The following CDH18 variants were observed in gnomAD, a reference collection of about 807,000 sequenced individuals.
CDH18 encodes the protein cadherin-18.
A neutral mutation model predicts 67.9 loss-of-function variants in CDH18; 31 were observed. The ratio of observed to expected loss-of-function variants is 0.46; its 90% CI spans 0.34 to 0.62. CDH18 has a LOEUF of 0.62. Ranked by LOEUF, CDH18 falls within the 20% of genes least tolerant of loss-of-function variation. CDH18 has a pLI of 0.01. For missense variants in CDH18, 890 were observed against 975.5 expected, an observed-to-expected ratio of 0.91 and a Z score of 1.17; for synonymous variants, 362 against 347.2, an observed-to-expected ratio of 1.04 and a Z score of -0.48.
At chr5:20,305,341 C>T (rs577474785) in intron 1 of CDH18, 1 of 1,572,834 alleles carries the variant, frequency 6.4e-7, no homozygotes, top group Non-Finnish European at 8.7e-7. Flanking sequence ...CTTTATGGCT[C>T]TATTCTTCAA....
At chr5:19,696,260 TGC>T (rs1456551723) in intron 5 of CDH18, among the ~76,000 whole-genome samples, 2,241 of 10,008 alleles carry the variant, frequency 0.22, 46 homozygotes, top group South Asian at 0.31. Flanking sequence ...TGTGTGTGTG[TGC>T]GTATTTTTTA....
intron 3 of CDH18, among the ~76,000 whole-genome samples, chr5:19,796,685 A>C (rs1179015574): frequency 2.6e-5 from 4 of 152,108 alleles, no homozygotes; most frequent in African/African-American, 9.7e-5. Flanking sequence ...TCTTTCCTTC[A>C]TGAGTTTTAT....
At chr5:19,690,215 G>A (rs1235124553) in intron 5 of CDH18, among the ~76,000 whole-genome samples, 1 of 151,232 alleles carries the variant, frequency 6.6e-6, no homozygotes, top group Non-Finnish European at 1.5e-5. Flanking sequence ...AGGTCAATGA[G>A]AAAATTAAGA....
intron 5 of CDH18, among the ~76,000 whole-genome samples, chr5:19,628,259 C>T (rs1017522786): frequency 2.0e-5 from 3 of 152,094 alleles, no homozygotes; most frequent in Non-Finnish European, 2.9e-5. Flanking sequence ...TGTGGGGGCT[C>T]CTCAGCCACG....
At chr5:19,711,649 G>GAAAAA (rs1764719414) in intron 5 of CDH18, among the ~76,000 whole-genome samples, 2 of 37,510 alleles carry the variant, frequency 5.3e-5, no homozygotes, top group African/African-American at 1.6e-4. Context: ...TTAGTATAAA[G>GAAAAA]TAAAAAAAAA....
chr5:20,479,334 A>T (rs899979874), intron 1 of CDH18, among the ~76,000 whole-genome samples: 2 of 152,194 alleles, frequency 1.3e-5, no homozygotes, highest in Admixed American at 6.5e-5. Context: ...CAGGGGATTC[A>T]AAAGTGCTGT....
At chr5:19,504,791 C>T (rs1743829721) in intron 10 of CDH18, among the ~76,000 whole-genome samples, 1 of 152,006 alleles carries the variant, frequency 6.6e-6, no homozygotes, top group Admixed American at 6.6e-5. Context: ...CTCCATCATA[C>T]CTCATAACAT....
chr5:20,294,689 T>TA (rs1215793702), intron 1 of CDH18, among the ~76,000 whole-genome samples: 1 of 152,206 alleles, frequency 6.6e-6, no homozygotes, highest in Non-Finnish European at 1.5e-5. Context: ...TACCTTGTCT[T>TA]AAGGTTTTCT....
intron 1 of CDH18, among the ~76,000 whole-genome samples, chr5:20,473,636 C>T (rs373735813): frequency 1.3e-3 from 201 of 152,102 alleles, no homozygotes; most frequent in African/African-American, 4.5e-3. Context: ...ATTTTCTCAG[C>T]GTATGCATGC....
At chr5:20,207,559 G>A (rs1381359844) in intron 2 of CDH18, among the ~76,000 whole-genome samples, 1 of 151,970 alleles carries the variant, frequency 6.6e-6, no homozygotes, top group Non-Finnish European at 1.5e-5. Flanking sequence ...CAGTAGGGAA[G>A]AAAAAGAACT....
intron 1 of CDH18, among the ~76,000 whole-genome samples, chr5:19,983,179 G>T (rs1184154156): frequency 6.6e-6 from 1 of 151,814 alleles, no homozygotes; most frequent in Admixed American, 6.6e-5. Context: ...ATCTAACCTA[G>T]ATATTTTTAT....
intron 3 of CDH18, among the ~76,000 whole-genome samples, chr5:19,787,062 G>A (rs953175650): frequency 3.3e-5 from 5 of 152,142 alleles, no homozygotes; most frequent in East Asian, 1.9e-4. Context: ...GGAAATGCCC[G>A]CTGAGAAGGT....
chr5:20,558,698 T>G (rs1345385867), intron 1 of CDH18, among the ~76,000 whole-genome samples: 2 of 152,042 alleles, frequency 1.3e-5, no homozygotes, highest in African/African-American at 2.4e-5. Flanking sequence ...GCTAGCACAT[T>G]TTTATTTTGT....
chr5:20,421,226 G>A (rs1747834894), intron 1 of CDH18, among the ~76,000 whole-genome samples: 1 of 151,112 alleles, frequency 6.6e-6, no homozygotes, highest in Non-Finnish European at 1.5e-5. Context: ...GCAGGGATGA[G>A]GAGCAGCTTA....
chr5:20,298,319 G>GTTAATATAACCTAAGT (rs1365853628), intron 1 of CDH18, among the ~76,000 whole-genome samples: 1 of 152,052 alleles, frequency 6.6e-6, no homozygotes, highest in African/African-American at 2.4e-5. Flanking sequence ...ATTAACTTAG[G>GTTAATATAACCTAAGT]TAACTTACGG....
At chr5:20,501,569 A>AATATATATATATTATATATATATATT (rs1379746086) in intron 1 of CDH18, among the ~76,000 whole-genome samples, 1,342 of 15,576 alleles carry the variant, frequency 0.086, 35 homozygotes, top group Non-Finnish European at 0.18. Flanking sequence ...ATATATATAT[A>AATATATATATATTATATATATATATT]ATATATATAT....
chr5:20,484,474 C>T (rs974646314), intron 1 of CDH18, among the ~76,000 whole-genome samples: 3 of 152,044 alleles, frequency 2.0e-5, no homozygotes, highest in Admixed American at 6.6e-5. Flanking sequence ...AGGATATCTG[C>T]CCTCCCATGT....
At chr5:20,056,630 A>G in intron 2 of CDH18, among the ~76,000 whole-genome samples, 1 of 144,722 alleles carries the variant, frequency 6.9e-6, no homozygotes, top group Non-Finnish European at 1.5e-5. Context: ...TTCTACCCAC[A>G]GTTGCTGAGA....
chr5:19,743,321 A>T (rs917715676), intron 4 of CDH18, among the ~76,000 whole-genome samples: 5 of 152,224 alleles, frequency 3.3e-5, no homozygotes, highest in Non-Finnish European at 7.3e-5. Flanking sequence ...CAAAACTATG[A>T]CACCATCCTC....
Sources: allele counts gnomAD v4.1 joint callset (sites outside exome capture counted in the v4.1 genomes callset), GRCh38; gene constraint gnomAD v4.1.1; transcripts MANE v1.5; gene names NCBI Gene and HGNC (gene_info 2026-07-23, HGNC 2026-07-21).